The following MIEF1 variants were observed in gnomAD, a reference collection of about 807,000 sequenced individuals.
MIEF1 encodes mitochondrial dynamics protein MIEF1.
A neutral mutation model predicts 35.1 loss-of-function variants in MIEF1; 14 were observed. That is an observed-to-expected ratio of 0.40 (90% CI 0.26 to 0.62). MIEF1 has a LOEUF of 0.62. Ranked by LOEUF, MIEF1 falls within the 20% of genes least tolerant of loss-of-function variation. The pLI is 0.43. For missense variants in MIEF1, 542 were observed against 615.4 expected (o/e 0.88, Z 1.26); for synonymous variants, 245 against 254.3 (o/e 0.96, Z 0.35).
chr22:39,513,336 T>C (rs1252616711), intron 5 of MIEF1, among the ~76,000 whole-genome samples, 181 bp from the exon 6 acceptor site: 1 of 152,156 alleles, frequency 6.6e-6, no homozygotes, highest in South Asian at 2.1e-4. Flanking sequence ...ACTCCTGACC[T>C]CAAGTGAGCC....
chr22:39,513,993 G>C lies in MIEF1; in HGVS notation c.1062G>C (p.Gln354His). ...CGGCACGCCTGCGGGCTCTGGACCAGGCTGACTCGGGCTGCCGATCTCTGT... is the reference window on the plus strand; with the variant it reads ...CGGCACGCCTGCGGGCTCTGGACCACGCTGACTCGGGCTGCCGATCTCTGT... The part of the protein sequence containing the change: ...AETARLRALD[Q>H]ADSGCRSLCL... The change falls in exon 6 of 6, where the codon CAG becomes CAC. Residue 354 changes from glutamine (Q) to histidine (H), a missense_variant. Coordinates refer to ENST00000325301, the MANE Select transcript of MIEF1 (RefSeq NM_019008.6). The C allele has an allele frequency of 6.2e-7, 1 of 1,613,230 alleles. No homozygotes were observed. Among genetic ancestry groups the C allele is most frequent in the Non-Finnish European group, 8.5e-7 (1 of 1,180,032 alleles).
intron 5 of MIEF1, among the ~76,000 whole-genome samples, chr22:39,513,213 G>C (rs1930457503): frequency 6.6e-6 from 1 of 151,460 alleles, no homozygotes; most frequent in Non-Finnish European, 1.5e-5. Flanking sequence ...CAATTCTCCT[G>C]TCTCAGCCTC....
Position 39,514,345 on chromosome 22 carries a change from G to C in MIEF1, c.*22G>C, listed in dbSNP as rs1930544152. 1.2e-6 allele frequency: 2 copies of C among 1,608,456 alleles called. No homozygotes were observed. Among genetic ancestry groups the C allele is most frequent in the Non-Finnish European group, 1.7e-6 (2 of 1,176,772 alleles). On this transcript the variant is annotated 3_prime_UTR_variant, in exon 6 of 6. Transcript: ENST00000325301. ...GTAGGGCAGGTGAAGGCCAAAGCGG[G>C]TGTTGGTGGTCAGGCCCTGGATTCT...
rs781581568 is a variant in MIEF1, at chr22:39,512,440, T to C, written c.531T>C (p.Pro177=). The change falls in exon 5 of 6, where the codon CCT becomes CCC. Residue 177 remains proline, a synonymous_variant. Transcript: ENST00000325301. ...ELRSFLRAKL[P]DMPLRDMYLS... Reference sequence around the variant, plus strand: ...GGAGCTTCCTGCGGGCCAAGTTGCCTGACATGCCGCTTCGGGACATGTACT... The same window carrying C: ...GGAGCTTCCTGCGGGCCAAGTTGCCCGACATGCCGCTTCGGGACATGTACT... The C allele has an allele frequency of 2.5e-6, 4 of 1,614,116 alleles. No homozygotes were observed. In the South Asian group the frequency reaches 4.4e-5, roughly 18 times the overall value.
In MIEF1 at chr22:39,508,166, C is replaced by T. The variant is rs143503683; in HGVS notation, c.-7-3122C>T. Among the ~76,000 whole-genome samples the T allele has an allele frequency of 6.4e-3, 974 of 152,346 alleles. 41 individuals carry two copies. Among genetic ancestry groups the T allele is most frequent in the Admixed American group, 0.053 (811 of 15,302 alleles). On this transcript the variant is annotated intron_variant, in intron 2 of 5. Coordinates refer to ENST00000325301, the MANE Select transcript of MIEF1 (RefSeq NM_019008.6). Reference sequence around the variant, plus strand: ...ACTACAACCCTGTGATTTGGTCCCACGCGGGGACCATTATCCCCTTTTCGT... The same window carrying T: ...ACTACAACCCTGTGATTTGGTCCCATGCGGGGACCATTATCCCCTTTTCGT...
chr22:39,509,690 C>T (rs1956364717), intron 2 of MIEF1: 1 of 152,252 alleles, frequency 6.6e-6, no homozygotes, highest in African/African-American at 2.4e-5. Context: ...ATACCAGTCT[C>T]ACCTAAGCTT....
Position 39,514,925 on chromosome 22 carries a change from TC to T in MIEF1, c.*608del. 3 of 308,824 alleles carry T rather than the reference TC, an allele frequency of 9.7e-6. No homozygotes were observed. The highest frequency in any genetic ancestry group is 6.8e-5 in the East Asian group (1 of 14,700). The allele number at this position is 308,824 out of a possible 1,614,324, so 19.1% of individuals were successfully genotyped here. On this transcript the variant is annotated 3_prime_UTR_variant, in exon 6 of 6. Coordinates refer to ENST00000325301, the MANE Select transcript of MIEF1 (RefSeq NM_019008.6). ...CGGTTCCTGGAGTAGAAGTCCATCCTCCCCCCAACCTCCTGACCCATTCATA... is the reference window on the plus strand; with the variant it reads ...CGGTTCCTGGAGTAGAAGTCCATCCTCCCCCAACCTCCTGACCCATTCATA...
chr22:39,514,023 C>A lies in MIEF1; in HGVS notation c.1092C>A (p.Leu364=), dbSNP rs1285332593. 10 of 1,613,696 alleles carry A rather than the reference C, an allele frequency of 6.2e-6. No individual in the cohort carries two copies. The highest frequency in any genetic ancestry group is 8.5e-6 in the Non-Finnish European group (10 of 1,180,044). ...QADSGCRSLC[L]KILKAICKST... The stretch of plus-strand genomic sequence containing the variant: ...ACTCGGGCTGCCGATCTCTGTGCCT[C>A]AAGATCCTCAAGGCCATATGCAAGT... Residue 364 remains leucine, a synonymous_variant, in exon 6 of 6, where the codon CTC becomes CTA. Coordinates refer to ENST00000325301, the MANE Select transcript of MIEF1 (RefSeq NM_019008.6).
chr22:39,508,800 T>C (rs932159785), intron 2 of MIEF1, among the ~76,000 whole-genome samples: 1 of 152,198 alleles, frequency 6.6e-6, no homozygotes, highest in Admixed American at 6.5e-5. Context: ...GTGTGAACTC[T>C]AGTTAGGGAA....
rs955353318 is a variant in MIEF1 at position 39,504,292 on chromosome 22, G to T, written c.-250G>T. On this transcript the variant is annotated 5_prime_UTR_variant, in exon 2 of 6. Transcript: ENST00000325301. ...TATCGGGCTCTGTTGCGCCAGGGCC[G>T]ACAGCTTCGCTACACTGATCGAGAC... The T allele has an allele frequency of 5.0e-6, 2 of 398,944 alleles. No homozygotes were observed. Among genetic ancestry groups the T allele is most frequent in the Non-Finnish European group, 4.4e-6 (1 of 226,106 alleles). 24.7% of individuals were successfully genotyped at this position (398,944 alleles called of 1,614,324 possible).
intron 2 of MIEF1, among the ~76,000 whole-genome samples, chr22:39,507,709 CA>C (rs1303338541): frequency 5.9e-5 from 9 of 151,394 alleles, no homozygotes; most frequent in Admixed American, 2.0e-4. Flanking sequence ...ACTGAAAATA[CA>C]AAAAATTAGC....
rs927142247 is a variant in MIEF1 at position 39,514,890 on chromosome 22, C to T, written c.*567C>T. 4 of 269,354 alleles carry T rather than the reference C, an allele frequency of 1.5e-5. No homozygotes were observed. Among genetic ancestry groups the T allele is most frequent in the South Asian group, 5.9e-5 (1 of 17,008 alleles). The allele number at this position is 269,354 out of a possible 1,614,324, so 16.7% of individuals were successfully genotyped here. A position where few individuals can be genotyped will look rare whatever the true frequency, so the allele number is the denominator to read the frequency against. ...GGAGTGAGGCTGGTAGAAGAGTTGGCCTTTGACCACGGTTCCTGGAGTAGA... is the reference window on the plus strand; with the variant it reads ...GGAGTGAGGCTGGTAGAAGAGTTGGTCTTTGACCACGGTTCCTGGAGTAGA... On this transcript the variant is annotated 3_prime_UTR_variant, in exon 6 of 6. Transcript: ENST00000325301.
chr22:39,513,764 C>G lies in MIEF1; in HGVS notation c.833C>G (p.Ala278Gly). The change falls in exon 6 of 6, where the codon GCC (alanine) becomes GGC (glycine). Residue 278 changes from alanine to glycine, a missense_variant. By Grantham distance (60) the Ala-to-Gly change is moderately conservative (BLOSUM62 0). Transcript: ENST00000325301. ...KVVAGSINWP[A>G]IGSLLDYVIR... ...GTGGCTGGCTCCATCAATTGGCCAGCCATAGGGTCCCTCTTGGACTATGTG... is the reference window on the plus strand; with the variant it reads ...GTGGCTGGCTCCATCAATTGGCCAGGCATAGGGTCCCTCTTGGACTATGTG... 6.2e-7 allele frequency: 1 copy of G among 1,614,150 alleles called. No individual in the cohort carries two copies. The highest frequency in any genetic ancestry group is 1.3e-5 in the African/African-American group (1 of 75,030).
chr22:39,516,354 G>C lies in MIEF1; in HGVS notation c.*2031G>C, dbSNP rs1385595908. On this transcript the variant is annotated 3_prime_UTR_variant, in exon 6 of 6. Coordinates refer to ENST00000325301, the MANE Select transcript of MIEF1 (RefSeq NM_019008.6). ...AAAGGATTTGGTTTCCCTGCCATGA[G>C]TATTAAAAAAATTTAAGTTTTCCCA... 2 of 152,122 alleles carry C rather than the reference G, an allele frequency of 1.3e-5. No homozygotes were observed. 9.4% of individuals were successfully genotyped at this position (152,122 alleles called of 1,614,324 possible). A position where few individuals can be genotyped will look rare whatever the true frequency, so the allele number is the denominator to read the frequency against.
At chr22:39,506,570 A>G (rs560077695) in intron 2 of MIEF1, among the ~76,000 whole-genome samples, 9 of 152,306 alleles carry the variant, frequency 5.9e-5, no homozygotes, top group African/African-American at 1.7e-4. Flanking sequence ...TACACACTCA[A>G]TATCTGCTAC....
rs949970124 is a variant in MIEF1, at chr22:39,511,938, C to T, written c.234C>T (p.Gly78=). Residue 78 remains glycine (G), a synonymous_variant, in exon 4 of 6, where the codon GGC becomes GGT. Transcript: ENST00000325301. The part of the protein sequence containing the change: ...KRSWEEPNWM[G]SPRLLNRDMK... ...GCTGGGAAGAACCCAACTGGATGGG[C>T]TCCCCACGACTGCTGAACAGGGACA... The T allele has an allele frequency of 1.2e-6, 2 of 1,614,126 alleles. No homozygotes were observed. Among genetic ancestry groups the T allele is most frequent in the African/African-American group, 1.3e-5 (1 of 74,948 alleles).
In MIEF1 at chr22:39,511,334, A is replaced by G. The variant is rs1930320512; in HGVS notation, c.40A>G (p.Asn14Asp). Residue 14 changes from asparagine to aspartate, a missense_variant, in exon 3 of 6, where the codon AAT becomes GAT. Asn to Asp is a conservative substitution (Grantham distance 23). Transcript: ENST00000325301. ...TGAGCGCAAAGGCAAGAAGGATGAC[A>G]ATGGCATTGGCACGGCCATTGACTT... is the stretch of plus-strand genomic sequence containing the variant. ...AGERKGKKDD[N>D]GIGTAIDFVL... 1.2e-6 allele frequency: 2 copies of G among 1,613,848 alleles called. No homozygotes were observed. The highest frequency in any genetic ancestry group is 2.2e-5 in the East Asian group (1 of 44,894).
Position 39,513,507 on chromosome 22 carries a change from G to A in MIEF1, c.586-10G>A. On this transcript the variant is annotated splice_polypyrimidine_tract_variant and intron_variant, in intron 5 of 5. Transcript: ENST00000325301. ...AAACCCTCAAAACCCTTTAAATTCT[G>A]CCCTGACAGGTGGTGACAGCTGACC... 1.9e-6 allele frequency: 3 copies of A among 1,612,302 alleles called. No individual in the cohort carries two copies. Among genetic ancestry groups the A allele is most frequent in the Non-Finnish European group, 2.5e-6 (3 of 1,178,654 alleles).
chr22:39,505,785 G>T (rs1019761306), intron 2 of MIEF1, among the ~76,000 whole-genome samples: 12 of 152,090 alleles, frequency 7.9e-5, no homozygotes, highest in African/African-American at 2.4e-4. Flanking sequence ...ACCGAGGGGT[G>T]GGGGTGGCCA....
Sources: allele counts gnomAD v4.1 joint callset (sites outside exome capture counted in the v4.1 genomes callset), GRCh38; gene constraint gnomAD v4.1.1; transcripts MANE v1.5; gene names NCBI Gene and HGNC (gene_info 2026-07-23, HGNC 2026-07-21).